Variants in CIB1 observed in about 807,000 individuals in gnomAD.
The protein encoded by CIB1 is calcium and integrin binding 1.
CIB1 carries 19 observed loss-of-function variants against 25.0 expected under a neutral mutation model. The ratio of observed to expected loss-of-function variants is 0.76; its 90% confidence interval spans 0.53 to 1.12. The LOEUF (loss-of-function observed/expected upper bound fraction) is 1.12, where lower values mean the gene tolerates loss of function less well. Ranked by LOEUF, CIB1 falls within the 50% of genes most tolerant of loss-of-function variation. The pLI is 0.00. For missense variants in CIB1, 236 were observed against 242.6 expected (o/e 0.97, Z 0.18); for synonymous variants, 104 against 98.5 (o/e 1.06, Z -0.33).
At chr15:90,256,602 TTTCTTTCCTTCC>T in the CIB1 span, among the ~76,000 whole-genome samples, 720 of 28,958 alleles carry the variant, frequency 0.025, 7 homozygotes, top group African/African-American at 0.055. Flanking sequence ...TCTTTCTTTC[TTTCTTTCCTTCC>T]TTCCTTCCTT....
chr15:90,253,345 T>TCATGGA, the CIB1 span: 1 of 1,612,628 alleles, frequency 6.2e-7, no homozygotes. Context: ...CTGGAACGAG[T>TCATGGA]CATGGACATG....
the CIB1 span, among the ~76,000 whole-genome samples, chr15:90,248,795 T>C: frequency 7.1e-6 from 1 of 140,262 alleles, no homozygotes; most frequent in Non-Finnish European, 1.5e-5. Context: ...ACATTTTAAG[T>C]GTTCTCTAGA....
chr15:90,241,517 C>G, the CIB1 span: 1 of 1,613,678 alleles, frequency 6.2e-7, no homozygotes, highest in Non-Finnish European at 8.5e-7. Flanking sequence ...GCTTCCGTGT[C>G]GGCTTCAACA....
Position 90,230,954 on chromosome 15 carries a change from G to A in CIB1, c.534C>T (p.Ser178=). The A allele has an allele frequency of 6.2e-7, 1 of 1,614,124 alleles. No homozygotes were observed. The highest frequency in any genetic ancestry group is 2.2e-5 in the East Asian group (1 of 44,870). ...CATACCTGGCAAAGTCTGGAGAACG[G>A]GAGATGACGTGCTGGAACTCAGAGA... ...INLSEFQHVI[S]RSPDFASSFK... is the part of the protein sequence containing the mutation. Residue 178 remains serine, a synonymous_variant, in exon 6 of 7, where the codon TCC becomes TCT. Coordinates refer to ENST00000328649, the MANE Select transcript of CIB1 (RefSeq NM_006384.4).
upstream of CIB1, chr15:90,234,002 A>AC: frequency 5.1e-6 from 6 of 1,167,886 alleles, no homozygotes; most frequent in Non-Finnish European, 6.9e-6. Context: ...TGGGGCCACC[A>AC]CCCCCGGGCC....
the CIB1 span, among the ~76,000 whole-genome samples, chr15:90,256,611 T>TTTCTTTC: frequency 2.2e-3 from 95 of 43,168 alleles, no homozygotes; most frequent in African/African-American, 0.011. Flanking sequence ...CTTTCTTTCC[T>TTTCTTTC]TCCTTCCTTC....
At chr15:90,265,349 C>G in the CIB1 span, 2 of 1,225,124 alleles carry the variant, frequency 1.6e-6, no homozygotes, top group Non-Finnish European at 1.0e-6. Context: ...CTGTCGCCGT[C>G]AGAAGACTGC....
the CIB1 span, among the ~76,000 whole-genome samples, chr15:90,261,520 C>T: frequency 2.0e-5 from 3 of 151,754 alleles, no homozygotes; most frequent in East Asian, 1.9e-4. Flanking sequence ...AGGCCGAGTA[C>T]GGTGGCTCAC....
chr15:90,256,437 C>A, the CIB1 span: 1 of 1,081,114 alleles, frequency 9.2e-7, no homozygotes, highest in Non-Finnish European at 1.3e-6. Context: ...CAGTATCCAG[C>A]CATGGTTCAG....
chr15:90,256,253 A>C, the CIB1 span: 2 of 1,614,040 alleles, frequency 1.2e-6, no homozygotes, highest in African/African-American at 2.7e-5. Flanking sequence ...TCCCCGGGAG[A>C]TCAAGCCAGG....
chr15:90,265,655 A>G, the CIB1 span: 2 of 1,600,512 alleles, frequency 1.2e-6, no homozygotes, highest in Non-Finnish European at 1.7e-6. Context: ...TTCCGGTCTT[A>G]CCCGGCTACT....
chr15:90,232,620 G>C (rs1336179157), intron 2 of CIB1, among the ~76,000 whole-genome samples: 1 of 152,156 alleles, frequency 6.6e-6, no homozygotes, highest in Non-Finnish European at 1.5e-5. Context: ...TGGCCCTAAA[G>C]AATTGGCCAG....
At chr15:90,263,665 T>C in the CIB1 span, 1 of 605,630 alleles carries the variant, frequency 1.7e-6, no homozygotes, top group Non-Finnish European at 2.9e-6. Flanking sequence ...GAGATTTTTT[T>C]CAGTTACCTC....
the CIB1 span, chr15:90,241,075 A>C: frequency 6.2e-7 from 1 of 1,614,144 alleles, no homozygotes; most frequent in Middle Eastern, 1.6e-4. Context: ...GCTCTGCCAC[A>C]ATCTCCCTTT....
chr15:90,233,372 C>G (rs1291767550), intron 2 of CIB1, among the ~76,000 whole-genome samples: 1 of 152,260 alleles, frequency 6.6e-6, no homozygotes, highest in Non-Finnish European at 1.5e-5. Context: ...AAGGTCGGCC[C>G]CTGCCGGACT....
At chr15:90,231,577 GAGC>G (rs1962493806) in intron 3 of CIB1, 70 bp from the exon 4 acceptor site, 4 of 1,561,182 alleles carry the variant, frequency 2.6e-6, no homozygotes, top group African/African-American at 1.4e-5. Context: ...AAACTTGAGA[GAGC>G]AGGTCACAGG....
chr15:90,262,192 G>C, the CIB1 span: 776 of 1,529,200 alleles, frequency 5.1e-4, 4 homozygotes, highest in African/African-American at 9.7e-3. Flanking sequence ...AGTGTGCCAG[G>C]TACTTTGACC....
the CIB1 span, among the ~76,000 whole-genome samples, chr15:90,256,562 TTTCTTTC>T: frequency 1.2e-4 from 5 of 43,438 alleles, no homozygotes; most frequent in Admixed American, 2.6e-4. Flanking sequence ...TCTTTCTTTC[TTTCTTTC>T]TTTCTTTCTT....
chr15:90,255,989 G>A, the CIB1 span: 3 of 1,579,278 alleles, frequency 1.9e-6, no homozygotes, highest in Non-Finnish European at 2.6e-6. Flanking sequence ...GGATGGAAGT[G>A]GAATGAGAAA....
Sources: allele counts gnomAD v4.1 joint callset (sites outside exome capture counted in the v4.1 genomes callset), GRCh38; gene constraint gnomAD v4.1.1; transcripts MANE v1.5; gene names NCBI Gene and HGNC (gene_info 2026-07-23, HGNC 2026-07-21).